The following HDAC5 variants were observed in gnomAD, a reference collection of about 807,000 sequenced individuals.
The protein encoded by HDAC5 is antigen NY-CO-9.
Under a neutral mutation model 133.3 loss-of-function variants are expected in HDAC5, and 25 were observed. The ratio of observed to expected loss-of-function variants is 0.19; its 90% confidence interval spans 0.14 to 0.26. The LOEUF (loss-of-function observed/expected upper bound fraction) is 0.26, where lower values mean the gene tolerates loss of function less well. Among genes scored for constraint, HDAC5 ranks in the 10% least tolerant of loss-of-function variants. The pLI, the probability that HDAC5 is intolerant of heterozygous loss-of-function variation, is 1.00. For synonymous variants in HDAC5, 589 were observed against 610.8 expected (o/e 0.96, Z 0.53); for missense variants, 1,041 against 1,460.5 (o/e 0.71, Z 4.68).
intron 2 of HDAC5, among the ~76,000 whole-genome samples, chr17:44,115,034 C>T (rs1427632539): frequency 3.3e-5 from 5 of 152,230 alleles, no homozygotes; most frequent in African/African-American, 4.8e-5. Context: ...TCTCCACCTG[C>T]TGCCCCTCAC....
In HDAC5 at chr17:44,107,111, AT is replaced by A. The variant is rs375745218; in HGVS notation, c.94+3617del. ...AGGTGCATGCTACTGTGCCTGATTA[AT>A]TTTTTTTTTTACATTTTTTTGTAGA... On this transcript the variant is annotated intron_variant, in intron 3 of 26. Coordinates refer to ENST00000682912, the MANE Select transcript of HDAC5 (RefSeq NM_005474.5). Among the ~76,000 whole-genome samples the A allele has an allele frequency of 2.7e-4, 40 of 147,790 alleles. No individual in the cohort carries two copies. The South Asian group carries it at 4.5e-3, about 17-fold the overall frequency.
intron 3 of HDAC5, among the ~76,000 whole-genome samples, chr17:44,105,788 C>A (rs12948122): frequency 0.016 from 2,503 of 152,242 alleles, 83 homozygotes; most frequent in African/African-American, 0.058. Flanking sequence ...TCCCAAGACC[C>A]ACTAAGGCCT....
chr17:44,083,191 G>A (rs1367720107), intron 18 of HDAC5, among the ~76,000 whole-genome samples: 1 of 152,028 alleles, frequency 6.6e-6, no homozygotes, highest in Non-Finnish European at 1.5e-5. Context: ...GGCTGGTCTC[G>A]AACTCCTGGG....
rs773678478 is a variant in HDAC5 at position 44,079,639 on chromosome 17, CAAAAAA to C, written c.2945-368_2945-363del. 2.3e-4 allele frequency among the ~76,000 whole-genome samples: 15 copies of C among 66,028 alleles called. No individual in the cohort carries two copies. In the South Asian group the frequency reaches 8.1e-3, roughly 36 times the overall value. 43.3% of individuals were successfully genotyped at this position (66,028 alleles called of 152,430 possible). A position where few individuals can be genotyped will look rare whatever the true frequency, so the allele number is the denominator to read the frequency against. On this transcript the variant is annotated intron_variant, in intron 23 of 26. Coordinates refer to ENST00000682912, the MANE Select transcript of HDAC5 (RefSeq NM_005474.5). ...TGGGTGACAGAGTGAGACTCCACCT[CAAAAAA>C]AAAAAAAAAAAAAAAGAAAGAAAAG...
chr17:44,123,556 G>GGCA lies in HDAC5; in HGVS notation c.-245_-243dup. 2.5e-6 allele frequency: 1 copy of GGCA among 401,360 alleles called. No individual in the cohort carries two copies. Among genetic ancestry groups the GGCA allele is most frequent in the African/African-American group, 2.1e-5 (1 of 48,494 alleles). 24.9% of individuals were successfully genotyped at this position (401,360 alleles called of 1,614,324 possible). A position where few individuals can be genotyped will look rare whatever the true frequency, so the allele number is the denominator to read the frequency against. On this transcript the variant is annotated 5_prime_UTR_variant, in exon 1 of 27. Transcript: ENST00000682912. The stretch of plus-strand genomic sequence containing the variant: ...GGGCGGCGGCGGCAGCAGCGGCGGC[G>GGCA]GCAGCGGCGGCAGCACCTCCTCGAC...
rs1293433898 is a variant in HDAC5 at position 44,117,742 on chromosome 17, C to T, written c.-189-38G>A. 5.0e-6 allele frequency: 3 copies of T among 601,476 alleles called. No homozygotes were observed. In the Admixed American group the frequency reaches 8.6e-5, roughly 17 times the overall value. 37.3% of individuals were successfully genotyped at this position (601,476 alleles called of 1,614,324 possible). ...GGAGCAGGGTTAGAGGCCCCTAACT[C>T]AGGAATCTGAGAGTCGAAGGAGACC... is the stretch of plus-strand genomic sequence containing the variant. On this transcript the variant is annotated intron_variant, in intron 1 of 26. Transcript: ENST00000682912. This position sits in a 1 kb window ranked among gnomAD's most constrained non-coding sequence, Gnocchi z 4.2.
intron 3 of HDAC5, among the ~76,000 whole-genome samples, chr17:44,097,442 C>A (rs1023206018): frequency 2.6e-4 from 30 of 116,964 alleles, no homozygotes; most frequent in African/African-American, 7.5e-4. Flanking sequence ...CATCTTCATT[C>A]CCAACCCATG....
In HDAC5 at chr17:44,083,687, C is replaced by T. The variant is rs777027874; in HGVS notation, c.2356-35G>A. On this transcript the variant is annotated intron_variant, in intron 17 of 26. Transcript: ENST00000682912. Reference sequence around the variant, plus strand: ...AGGAGAGCAGGTTTCAGTGTGCCCCCTGCAGGGCAAGAACAGGGGAGGGCA... The same window carrying T: ...AGGAGAGCAGGTTTCAGTGTGCCCCTTGCAGGGCAAGAACAGGGGAGGGCA... 1.0e-5 allele frequency: 16 copies of T among 1,596,618 alleles called. 1 individual carries two copies. In the South Asian group the frequency reaches 1.5e-4, roughly 15 times the overall value.
At chr17:44,113,395 A>G (rs1254831719) in intron 2 of HDAC5, among the ~76,000 whole-genome samples, 4 of 152,204 alleles carry the variant, frequency 2.6e-5, no homozygotes, top group African/African-American at 9.7e-5. Context: ...AAAGTATCAG[A>G]CACAGTCAGA....
chr17:44,077,271 G>C lies in HDAC5; in HGVS notation c.*1105C>G, dbSNP rs1397003149. On this transcript the variant is annotated 3_prime_UTR_variant, in exon 27 of 27. Coordinates refer to ENST00000682912, the MANE Select transcript of HDAC5 (RefSeq NM_005474.5). The stretch of plus-strand genomic sequence containing the variant: ...GCTCCTGGGAAAGAGAAGGGACAGC[G>C]CCCAGCCCCCTCCTGGTCTTAGCTC... 6.6e-6 allele frequency: 1 copy of C among 152,598 alleles called. No homozygotes were observed. Among genetic ancestry groups the C allele is most frequent in the Non-Finnish European group, 1.5e-5 (1 of 68,084 alleles). 9.5% of individuals were successfully genotyped at this position (152,598 alleles called of 1,614,324 possible).
intron 3 of HDAC5, among the ~76,000 whole-genome samples, chr17:44,103,026 C>T (rs2051716917): frequency 6.6e-6 from 1 of 152,132 alleles, no homozygotes; most frequent in Admixed American, 6.6e-5. Flanking sequence ...AGGGCAGAAT[C>T]TCCCACCAGC....
At chr17:44,082,383 T>G (rs545779692) in intron 20 of HDAC5, 3 of 591,284 alleles carry the variant, frequency 5.1e-6, no homozygotes, top group Non-Finnish European at 9.1e-6. Flanking sequence ...TCTTTCATAG[T>G]TGAGGAGGGA....
Position 44,089,698 on chromosome 17 carries a change from G to T in HDAC5, c.1388-1100C>A, listed in dbSNP as rs141595696. Among the ~76,000 whole-genome samples the T allele has an allele frequency of 8.3e-3, 1,034 of 124,942 alleles. 15 individuals are homozygous for T. Among genetic ancestry groups the T allele is most frequent in the African/African-American group, 0.029 (986 of 33,510 alleles). 82.0% of individuals were successfully genotyped at this position (124,942 alleles called of 152,430 possible). ...AGAGGCAGAGGTTGCAGTGAGCCGA[G>T]ATCTTGCCACTGCACTCCAGCCTGG... On this transcript the variant is annotated intron_variant, in intron 11 of 26. Coordinates refer to ENST00000682912, the MANE Select transcript of HDAC5 (RefSeq NM_005474.5).
intron 3 of HDAC5, among the ~76,000 whole-genome samples, chr17:44,110,262 C>T (rs2143556376): frequency 6.6e-6 from 1 of 152,324 alleles, no homozygotes; most frequent in East Asian, 1.9e-4. Context: ...TTGCGGAAGT[C>T]ACTGTACTCG....
intron 3 of HDAC5, among the ~76,000 whole-genome samples, chr17:44,097,269 G>A (rs1252452366): frequency 1.3e-5 from 2 of 152,246 alleles, no homozygotes; most frequent in Non-Finnish European, 1.5e-5. Flanking sequence ...TAAAAGCTCA[G>A]CATGATGTAG....
intron 24 of HDAC5, 112 bp from the exon 25 acceptor site, chr17:44,078,991 C>G (rs1187397505): frequency 7.2e-6 from 11 of 1,521,030 alleles, no homozygotes; most frequent in South Asian, 1.1e-5. Context: ...CAAACATGGC[C>G]TTTTTGGACA....
At position 44,079,259 on chromosome 17, in the gene HDAC5, C is replaced by T; in HGVS notation, c.2963G>A (p.Arg988Lys). 1 of 1,613,736 alleles carries T rather than the reference C, an allele frequency of 6.2e-7. No homozygotes were observed. The highest frequency in any genetic ancestry group is 1.1e-5 in the South Asian group (1 of 91,040). ...GCCCCCTGCCAGGGTCATCAGCTGC[C>T]TGGTCAAGTGGCCAAAACCTTTGAG... ...VTARCFGHLT[R>K]QLMTLAGGRV... The change falls in exon 24 of 27, where the codon AGG (arginine) becomes AAG (lysine). Residue 988 changes from arginine to lysine, a missense_variant. By Grantham distance (26) the Arg-to-Lys change is conservative. This residue lies in a region of HDAC5 where 174 missense variants were observed against 352.7 expected (regional missense o/e 0.49). Coordinates refer to ENST00000682912, the MANE Select transcript of HDAC5 (RefSeq NM_005474.5).
Position 44,091,498 on chromosome 17 carries a change from G to A in HDAC5, c.1165-6C>T, listed in dbSNP as rs372239526. The A allele has an allele frequency of 4.0e-5, 62 of 1,546,832 alleles. No individual in the cohort carries two copies. In the East Asian group the frequency reaches 9.5e-4, roughly 24 times the overall value. On this transcript the variant is annotated splice_region_variant and splice_polypyrimidine_tract_variant and intron_variant, in intron 10 of 26. Transcript: ENST00000682912. ...GTCGACAGCTTCGGGGAGGCCTGGGGGGTGAAGGGAGGGGCTTATACAGCC... is the reference window on the plus strand; with the variant it reads ...GTCGACAGCTTCGGGGAGGCCTGGGAGGTGAAGGGAGGGGCTTATACAGCC...
At chr17:44,112,355 C>T (rs752457579) in intron 2 of HDAC5, among the ~76,000 whole-genome samples, 4 of 152,120 alleles carry the variant, frequency 2.6e-5, no homozygotes, top group Non-Finnish European at 4.4e-5. Flanking sequence ...GCCCTCCCCA[C>T]CGCTGGCCTG....
Sources: allele counts gnomAD v4.1 joint callset (sites outside exome capture counted in the v4.1 genomes callset), GRCh38; gene constraint gnomAD v4.1.1; regional missense constraint gnomAD v4.1.1; non-coding constraint Gnocchi (gnomAD v3.1); transcripts MANE v1.5; gene names NCBI Gene and HGNC (gene_info 2026-07-23, HGNC 2026-07-21).